GOLIM4: variants seen among roughly 807,000 people sequenced by gnomAD.
GOLIM4 encodes golgi integral membrane protein 4.
In GOLIM4, 71 loss-of-function variants were observed where a neutral mutation model predicts 107.4. That is an observed-to-expected ratio of 0.66 (90% CI 0.55 to 0.81). The LOEUF is 0.81. Ranked by LOEUF, GOLIM4 falls within the 30% of genes least tolerant of loss-of-function variation. The probability of loss-of-function intolerance (pLI) is 0.00; values close to 1 mark genes in which losing one functional copy is unlikely to be tolerated. For missense variants in GOLIM4, 830 were observed against 826.1 expected, an observed-to-expected ratio of 1.00 and a Z score of -0.06; for synonymous variants, 327 against 294.8, an observed-to-expected ratio of 1.11 and a Z score of -1.12.
Position 168,095,167 on chromosome 3 carries a change from A to G in GOLIM4, c.119T>C (p.Leu40Pro). 1 of 1,612,868 alleles carries G rather than the reference A, an allele frequency of 6.2e-7. No homozygotes were observed. The highest frequency in any genetic ancestry group is 8.5e-7 in the Non-Finnish European group (1 of 1,179,236). ...AMLYYELQTQ[L>P]RKAEAVALKY... ...GAGCGCCACCGCCTCGGCTTTCCGC[A>G]GCTGCGTCTGCAGCTCGTAGTAGAG... Residue 40 changes from leucine (L) to proline (P), a missense_variant, in exon 1 of 16, where the codon CTG becomes CCG. Coordinates refer to ENST00000470487, the MANE Select transcript of GOLIM4 (RefSeq NM_014498.5).
chr3:168,030,080 C>T (rs745780508), intron 9 of GOLIM4, 44 bp from the exon 10 acceptor site: 38 of 1,585,936 alleles, frequency 2.4e-5, no homozygotes, highest in Middle Eastern at 3.4e-4. Flanking sequence ...GGGTTAGCTC[C>T]TCTGGGTTTT....
intron 3 of GOLIM4, among the ~76,000 whole-genome samples, chr3:168,045,525 T>G (rs1408882031): frequency 6.6e-6 from 1 of 152,130 alleles, no homozygotes; most frequent in Non-Finnish European, 1.5e-5. Flanking sequence ...GAGCTCCAGG[T>G]TCCAGGGGTA....
At position 168,040,789 on chromosome 3, in the gene GOLIM4, T is replaced by G; in HGVS notation, c.681A>C (p.Ala227=). The change falls in exon 7 of 16, where the codon GCA becomes GCC. Residue 227 remains alanine (A), a synonymous_variant. Coordinates refer to ENST00000470487, the MANE Select transcript of GOLIM4 (RefSeq NM_014498.5). ...LEDHKSALAA[A]QTQVAEYKQL... ...CAGAGGCTGCTACCCTTCTAACCTGTGCAGCAGCTAGTGCACTCTTGTGGT... is the reference window on the plus strand; with the variant it reads ...CAGAGGCTGCTACCCTTCTAACCTGGGCAGCAGCTAGTGCACTCTTGTGGT... 6.2e-7 allele frequency: 1 copy of G among 1,602,652 alleles called. No homozygotes were observed. Among genetic ancestry groups the G allele is most frequent in the Non-Finnish European group, 8.6e-7 (1 of 1,169,570 alleles).
chr3:168,031,467 A>G lies in GOLIM4; in HGVS notation c.1176+1053T>C, dbSNP rs76290023. Among the ~76,000 whole-genome samples the G allele has an allele frequency of 5.8e-3, 879 of 152,322 alleles. 14 individuals carry two copies. The highest frequency in any genetic ancestry group is 0.048 in the Admixed American group (734 of 15,300). On this transcript the variant is annotated intron_variant, in intron 9 of 15. Coordinates refer to ENST00000470487, the MANE Select transcript of GOLIM4 (RefSeq NM_014498.5). ...TCGCCCATACTCTGAAAATATATAC[A>G]TATATTATGCATCAATAAAAAGTGT... is the stretch of plus-strand genomic sequence containing the variant.
At chr3:168,073,919 C>A (rs1720951410) in intron 1 of GOLIM4, among the ~76,000 whole-genome samples, 1 of 152,196 alleles carries the variant, frequency 6.6e-6, no homozygotes, top group South Asian at 2.1e-4. Flanking sequence ...TACTCCCCTT[C>A]TACATGGTAC....
chr3:168,067,795 G>A (rs1300157632), intron 1 of GOLIM4, among the ~76,000 whole-genome samples: 1 of 151,976 alleles, frequency 6.6e-6, no homozygotes, highest in African/African-American at 2.4e-5. Context: ...ATACAACACA[G>A]CCATTCGAAA....
rs748664484 is a variant in GOLIM4 at position 168,024,499 on chromosome 3, C to CA, written c.1860+26dup. 1.3e-5 allele frequency: 19 copies of CA among 1,468,048 alleles called. No homozygotes were observed. The African/African-American group carries it at 2.6e-4, about 20-fold the overall frequency. The allele number at this position is 1,468,048 out of a possible 1,614,324, so 90.9% of individuals were successfully genotyped here. Reference sequence around the variant, plus strand: ...AGTGTGTGTGACAGACCAATCTGATCAGTCTCTGGGATTCAATCCTTACTA... The same window carrying CA: ...AGTGTGTGTGACAGACCAATCTGATCAAGTCTCTGGGATTCAATCCTTACTA... On this transcript the variant is annotated intron_variant, in intron 14 of 15. Coordinates refer to ENST00000470487, the MANE Select transcript of GOLIM4 (RefSeq NM_014498.5).
intron 1 of GOLIM4, among the ~76,000 whole-genome samples, chr3:168,081,584 G>A (rs1431742811): frequency 6.6e-6 from 1 of 152,178 alleles, no homozygotes; most frequent in African/African-American, 2.4e-5. Flanking sequence ...GTGTGAGTAA[G>A]AGCCCGGAGT....
chr3:168,037,062 A>ATATCTATGAATGCC, intron 7 of GOLIM4, 68 bp from the exon 8 acceptor site: 1 of 715,060 alleles, frequency 1.4e-6, no homozygotes, highest in Non-Finnish European at 2.2e-6. Flanking sequence ...GCATTTGGGT[A>ATATCTATGAATGCC]CACTGTAAAA....
chr3:168,021,273 G>A (rs1031339815), intron 14 of GOLIM4, among the ~76,000 whole-genome samples: 1 of 152,130 alleles, frequency 6.6e-6, no homozygotes, highest in Non-Finnish European at 1.5e-5. Flanking sequence ...AGAACAGTAG[G>A]ATCCAAAGAG....
At chr3:168,062,107 T>C (rs978494941) in intron 1 of GOLIM4, among the ~76,000 whole-genome samples, 1 of 152,226 alleles carries the variant, frequency 6.6e-6, no homozygotes, top group African/African-American at 2.4e-5. Context: ...CATATGTCAC[T>C]TTTTTTCTAC....
chr3:168,049,639 A>G (rs903339776), intron 1 of GOLIM4, among the ~76,000 whole-genome samples: 2 of 152,150 alleles, frequency 1.3e-5, no homozygotes, highest in African/African-American at 4.8e-5. Context: ...GACCATATAC[A>G]ATTCACAGAA....
chr3:168,083,140 T>C (rs868198881), intron 1 of GOLIM4, among the ~76,000 whole-genome samples: 3 of 152,224 alleles, frequency 2.0e-5, no homozygotes, highest in Non-Finnish European at 2.9e-5. Context: ...CTTTTGACTT[T>C]ATTAATATCA....
At chr3:168,050,872 A>AATAAT (rs1560090504) in intron 1 of GOLIM4, among the ~76,000 whole-genome samples, 3 of 131,828 alleles carry the variant, frequency 2.3e-5, no homozygotes, top group South Asian at 2.3e-4. Context: ...ATAATAATAA[A>AATAAT]ACCTAGCAGC....
intron 1 of GOLIM4, among the ~76,000 whole-genome samples, chr3:168,080,836 T>G (rs1721325334): frequency 6.6e-6 from 1 of 152,218 alleles, no homozygotes; most frequent in African/African-American, 2.4e-5. Context: ...GTGAAATTTT[T>G]CAAAGCACTG....
chr3:168,066,854 G>A (rs1290661213), intron 1 of GOLIM4, among the ~76,000 whole-genome samples: 1 of 151,798 alleles, frequency 6.6e-6, no homozygotes, highest in Admixed American at 6.6e-5. Context: ...AACTTTTTTG[G>A]TGATTTAGTA....
intron 1 of GOLIM4, among the ~76,000 whole-genome samples, chr3:168,070,925 A>T (rs1046160514): frequency 6.6e-6 from 1 of 152,296 alleles, no homozygotes; most frequent in Admixed American, 6.5e-5. Context: ...TTTCTACTCT[A>T]ACTTGCTAAA....
chr3:168,008,961 G>A lies in GOLIM4; in HGVS notation c.*1308C>T, dbSNP rs562414657. Reference sequence around the variant, plus strand: ...CTGGAACAATCAAAACCATCTATGAGTGTGGTTATTAAAAAATAAAATTAC... The same window carrying A: ...CTGGAACAATCAAAACCATCTATGAATGTGGTTATTAAAAAATAAAATTAC... On this transcript the variant is annotated 3_prime_UTR_variant, in exon 16 of 16. Transcript: ENST00000470487. The A allele has an allele frequency of 6.6e-6, 1 of 151,994 alleles. No individual in the cohort carries two copies. Among genetic ancestry groups the A allele is most frequent in the Non-Finnish European group, 1.5e-5 (1 of 67,976 alleles). The allele number at this position is 151,994 out of a possible 1,614,324, so 9.4% of individuals were successfully genotyped here. A position where few individuals can be genotyped will look rare whatever the true frequency, so the allele number is the denominator to read the frequency against.
intron 1 of GOLIM4, among the ~76,000 whole-genome samples, chr3:168,067,853 G>C (rs1049075022): frequency 6.6e-6 from 1 of 151,676 alleles, no homozygotes; most frequent in Admixed American, 6.6e-5. Context: ...AAGGCAGAAA[G>C]AACAACAACC....
Sources: gnomAD v4.1 joint callset for allele counts (sites outside exome capture counted in the v4.1 genomes callset) on GRCh38, gnomAD v4.1.1 for gene constraint, MANE v1.5 for transcripts, NCBI Gene and HGNC (gene_info 2026-07-23, HGNC 2026-07-21) for gene names.